BLZF1: variants seen among roughly 807,000 people sequenced by gnomAD.
BLZF1 encodes basic leucine zipper nuclear factor 1.
BLZF1 carries 39 observed loss-of-function variants against 43.8 expected under a neutral mutation model. That is an observed-to-expected ratio of 0.89 (90% CI 0.69 to 1.16). BLZF1 has a LOEUF of 1.16. Ranked by LOEUF, BLZF1 falls within the 50% of genes most tolerant of loss-of-function variation. The probability of loss-of-function intolerance (pLI) is 0.00; values close to 1 mark genes in which losing one functional copy is unlikely to be tolerated. For missense variants in BLZF1, 449 were observed against 469.8 expected (o/e 0.96, Z 0.41); for synonymous variants, 136 against 159.4 (o/e 0.85, Z 1.11).
At chr1:169,380,704 G>T in intron 5 of BLZF1, 95 bp downstream of exon 5, 1 of 1,438,212 alleles carries the variant, frequency 7.0e-7, no homozygotes, top group Non-Finnish European at 9.6e-7. Flanking sequence ...TTTTGTTTTG[G>T]GTGTGTCTAC....
At chr1:169,380,674 T>C (rs1654496212) in intron 5 of BLZF1, 65 bp downstream of exon 5, 5 of 1,583,140 alleles carry the variant, frequency 3.2e-6, no homozygotes, top group Non-Finnish European at 2.6e-6. Context: ...ATTGTAGTTT[T>C]GGTTTTTTTG....
intron 7 of BLZF1, chr1:169,394,892 T>A: frequency 3.2e-6 from 2 of 616,424 alleles, no homozygotes; most frequent in Admixed American, 3.8e-5. Flanking sequence ...GAGAAAAAAA[T>A]TTATTTTGTT....
At chr1:169,370,357 C>G (rs972510713) in intron 2 of BLZF1, among the ~76,000 whole-genome samples, 10 of 152,070 alleles carry the variant, frequency 6.6e-5, no homozygotes, top group Admixed American at 3.3e-4. Flanking sequence ...ACAATTCAAC[C>G]CCTAAATTGC....
At chr1:169,376,097 T>G (rs1284186248) in intron 2 of BLZF1, among the ~76,000 whole-genome samples, 5 of 152,084 alleles carry the variant, frequency 3.3e-5, no homozygotes, top group African/African-American at 1.2e-4. Context: ...CAGATGAATC[T>G]CTTATGATGT....
chr1:169,375,757 C>T (rs113080213), intron 2 of BLZF1, among the ~76,000 whole-genome samples: 3 of 151,032 alleles, frequency 2.0e-5, no homozygotes, highest in African/African-American at 7.3e-5. Flanking sequence ...GTCTTTTGTC[C>T]CTCCCCTTGT....
chr1:169,386,333 T>C (rs1338447041), intron 6 of BLZF1, among the ~76,000 whole-genome samples: 1 of 151,990 alleles, frequency 6.6e-6, no homozygotes, highest in Non-Finnish European at 1.5e-5. Flanking sequence ...TTCTGAGCAG[T>C]TGAATGAAAG....
At chr1:169,388,480 A>G (rs1013638224), downstream of BLZF1, among the ~76,000 whole-genome samples, 2 of 152,226 alleles carry the variant, frequency 1.3e-5, no homozygotes, top group African/African-American at 4.8e-5. Flanking sequence ...TGATTTCTTG[A>G]ATATGACAAC....
chr1:169,390,921 A>G (rs1037098067), downstream of BLZF1, among the ~76,000 whole-genome samples: 4 of 152,212 alleles, frequency 2.6e-5, no homozygotes, highest in African/African-American at 9.6e-5. Flanking sequence ...ATACATTTAC[A>G]TATCTTGGAT....
downstream of BLZF1, among the ~76,000 whole-genome samples, chr1:169,392,378 C>T (rs1209310909): frequency 6.6e-6 from 1 of 152,094 alleles, no homozygotes; most frequent in East Asian, 1.9e-4. Flanking sequence ...GGGCTGTTGG[C>T]ACAAGTACAG....
intron 6 of BLZF1, among the ~76,000 whole-genome samples, chr1:169,386,127 T>C (rs1654660157): frequency 6.6e-6 from 1 of 151,990 alleles, no homozygotes; most frequent in South Asian, 2.1e-4. Context: ...AGGAGACAGA[T>C]TAGGAAAAAT....
At chr1:169,386,476 G>A (rs902829847) in intron 6 of BLZF1, among the ~76,000 whole-genome samples, 5 of 151,784 alleles carry the variant, frequency 3.3e-5, no homozygotes, top group Admixed American at 1.3e-4. Context: ...TCAGGAGATC[G>A]AGACCATCCT....
intron 6 of BLZF1, 143 bp downstream of exon 6, chr1:169,382,424 A>G: frequency 1.5e-6 from 1 of 689,058 alleles, no homozygotes; most frequent in Non-Finnish European, 2.4e-6. Context: ...GTTATCTTGG[A>G]GAAAATTATT....
intron 2 of BLZF1, among the ~76,000 whole-genome samples, chr1:169,373,242 A>G (rs1164706958): frequency 6.6e-6 from 1 of 152,190 alleles, no homozygotes; most frequent in Non-Finnish European, 1.5e-5. Context: ...ATTCATTGAT[A>G]ATTGATCACA....
chr1:169,382,276 G>A lies in BLZF1; in HGVS notation c.1012G>A (p.Glu338Lys). ...CAGCACCCCAGCTGAGAAAATGGCT[G>A]AAACGGTAAAATATTTTCTTTTGTG... ...FCSTPAEKMAETVLRILDPVT... is the reference protein window; with the variant it reads ...FCSTPAEKMAKTVLRILDPVT... The change falls in exon 6 of 7, where the codon GAA becomes AAA. Residue 338 changes from glutamate to lysine, a missense_variant. Physicochemically the swap from Glu to Lys is moderately conservative, Grantham distance 56. Coordinates refer to ENST00000367808, the MANE Select transcript of BLZF1 (RefSeq NM_001320973.2). 1 of 1,612,404 alleles carries A rather than the reference G, an allele frequency of 6.2e-7. No individual in the cohort carries two copies. Among genetic ancestry groups the A allele is most frequent in the Non-Finnish European group, 8.5e-7 (1 of 1,178,894 alleles).
At chr1:169,378,290 A>G in intron 3 of BLZF1, 40 bp from the exon 4 acceptor site, 1 of 1,568,268 alleles carries the variant, frequency 6.4e-7, no homozygotes, top group Non-Finnish European at 8.8e-7. Context: ...AGTTAGTGAT[A>G]TTACTTTGAG....
chr1:169,375,329 C>T (rs1654262484), intron 2 of BLZF1, among the ~76,000 whole-genome samples: 1 of 136,374 alleles, frequency 7.3e-6, no homozygotes, highest in Non-Finnish European at 1.6e-5. Context: ...ATTACACACA[C>T]ACATATATAT....
At chr1:169,395,829 T>TTGTGTG (rs140900103) in intron 7 of BLZF1, 1 of 149,082 alleles carries the variant, frequency 6.7e-6, no homozygotes, top group African/African-American at 2.4e-5. Flanking sequence ...TGTGGTATGT[T>TTGTGTG]TGTGTGTGTG....
chr1:169,374,999 G>T (rs1654250993), intron 2 of BLZF1, among the ~76,000 whole-genome samples: 1 of 152,038 alleles, frequency 6.6e-6, no homozygotes, highest in Non-Finnish European at 1.5e-5. Context: ...TACACTGGTA[G>T]AGTGATTTTC....
chr1:169,381,198 G>A (rs750582599), intron 5 of BLZF1, among the ~76,000 whole-genome samples: 6 of 151,892 alleles, frequency 4.0e-5, no homozygotes, highest in Non-Finnish European at 7.4e-5. Flanking sequence ...GGAATGAAGG[G>A]GGGGGTACAA....
Sources: gnomAD v4.1 joint callset for allele counts (sites outside exome capture counted in the v4.1 genomes callset) on GRCh38, gnomAD v4.1.1 for gene constraint, MANE v1.5 for transcripts, NCBI Gene and HGNC (gene_info 2026-07-23, HGNC 2026-07-21) for gene names.